VCAN: variants seen among roughly 807,000 people sequenced by gnomAD.
VCAN encodes versican, also known as versican core protein.
Under a neutral mutation model 245.5 loss-of-function variants are expected in VCAN, and 44 were observed. That is an observed-to-expected ratio of 0.18 (90% CI 0.14 to 0.23). The LOEUF (loss-of-function observed/expected upper bound fraction) is 0.23, where lower values mean the gene tolerates loss of function less well. Among genes scored for constraint, VCAN ranks in the 10% least tolerant of loss-of-function variants. The pLI, the probability that VCAN is intolerant of heterozygous loss-of-function variation, is 1.00. For synonymous variants in VCAN, 1,413 were observed against 1,437.0 expected (o/e 0.98, Z 0.38); for missense variants, 3,793 against 4,057.9 (o/e 0.93, Z 1.77).
chr5:83,528,989 T>TACACACACACACAC (rs58804437), intron 7 of VCAN, among the ~76,000 whole-genome samples: 15,176 of 141,186 alleles, frequency 0.11, 948 homozygotes, highest in Non-Finnish European at 0.14. Context: ...GAAACAAAGA[T>TACACACACACACAC]ACACACACAC....
chr5:83,539,385 T>C lies in VCAN; in HGVS notation c.6382T>C (p.Ser2128Pro), dbSNP rs1402093533. The change falls in exon 8 of 15, where the codon TCC becomes CCC. Residue 2128 changes from serine to proline, a missense_variant. Ser to Pro is a moderately conservative substitution (Grantham distance 74). This residue lies in a region of VCAN where 3,182 missense variants were observed against 3,250.3 expected (regional missense o/e 0.98). Transcript: ENST00000265077. The stretch of plus-strand genomic sequence containing the variant: ...AATTCAAGAAGAAAAGTCATTTGAA[T>C]CCCCTCAAAACTCTCCTGCAACAGA... ...EQIQEEKSFE[S>P]PQNSPATEQT... The C allele has an allele frequency of 1.2e-6, 2 of 1,613,896 alleles. No individual in the cohort carries two copies. Among genetic ancestry groups the C allele is most frequent in the Admixed American group, 3.3e-5 (2 of 59,954 alleles).
intron 13 of VCAN, among the ~76,000 whole-genome samples, chr5:83,576,007 C>A (rs1159641317): frequency 2.0e-5 from 3 of 152,128 alleles, no homozygotes; most frequent in African/African-American, 7.2e-5. Flanking sequence ...ATACCCTTTT[C>A]TCTTTTTAGA....
At chr5:83,552,372 C>A (rs1747502250) in intron 10 of VCAN, among the ~76,000 whole-genome samples, 1 of 152,160 alleles carries the variant, frequency 6.6e-6, no homozygotes, top group African/African-American at 2.4e-5. Flanking sequence ...ATTCTATAAA[C>A]TGCAGTTTTG....
intron 2 of VCAN, 96 bp downstream of exon 2, chr5:83,483,684 G>T: frequency 3.4e-6 from 4 of 1,185,494 alleles, no homozygotes; most frequent in Non-Finnish European, 1.2e-6. Flanking sequence ...ATAAAAGATT[G>T]ATTTTTAAAA....
chr5:83,487,186 A>C (rs1053949140), intron 2 of VCAN, among the ~76,000 whole-genome samples: 1 of 152,182 alleles, frequency 6.6e-6, no homozygotes, highest in African/African-American at 2.4e-5. Flanking sequence ...CTAGATAGTG[A>C]TATTTGTCAC....
At chr5:83,529,815 C>A (rs1746448714) in intron 7 of VCAN, among the ~76,000 whole-genome samples, 1 of 152,096 alleles carries the variant, frequency 6.6e-6, no homozygotes, top group South Asian at 2.1e-4. Context: ...TAGAAAGCAC[C>A]AAGCACAATG....
At position 83,538,475 on chromosome 5, in the gene VCAN, C is replaced by T. The variant is rs746447735; in HGVS notation, c.5472C>T (p.Leu1824=). Residue 1824 remains leucine (L), a synonymous_variant, in exon 8 of 15, where the codon CTC becomes CTT. Coordinates refer to ENST00000265077, the MANE Select transcript of VCAN (RefSeq NM_004385.5). ...GGGTTCAGGAAGGGCTGACCACTCT[C>T]CCACGTAGTCCTGCCTCTGTCTTTA... ...QPGVQEGLTT[L]PRSPASVFME... 1.2e-6 allele frequency: 2 copies of T among 1,613,886 alleles called. No homozygotes were observed. Among genetic ancestry groups the T allele is most frequent in the African/African-American group, 1.3e-5 (1 of 74,882 alleles).
chr5:83,493,623 G>A lies in VCAN; in HGVS notation c.523G>A (p.Val175Ile), dbSNP rs774254263. 36 of 1,613,980 alleles carry A rather than the reference G, an allele frequency of 2.2e-5. No homozygotes were observed. The highest frequency in any genetic ancestry group is 3.3e-4 in the Middle Eastern group (2 of 6,054). ...GGCTGCTCAGAAGGCTTGTTTGGAC[G>A]TTGGGGCAGTCATAGCAACTCCAGA... is the stretch of plus-strand genomic sequence containing the variant. Reference protein sequence around the residue: ...FEAAQKACLDVGAVIATPEQL... With the variant: ...FEAAQKACLDIGAVIATPEQL... The change falls in exon 4 of 15, where the codon GTT becomes ATT. Residue 175 changes from valine to isoleucine, a missense_variant. Physicochemically the swap from Val to Ile is conservative, Grantham distance 29. Coordinates refer to ENST00000265077, the MANE Select transcript of VCAN (RefSeq NM_004385.5).
chr5:83,579,418 C>G (rs1398408356), intron 13 of VCAN, among the ~76,000 whole-genome samples: 1 of 152,084 alleles, frequency 6.6e-6, no homozygotes, highest in Non-Finnish European at 1.5e-5. Flanking sequence ...TGCCCACCAC[C>G]ATGCCTGGCT....
chr5:83,521,406 G>C lies in VCAN; in HGVS notation c.3100G>C (p.Glu1034Gln), dbSNP rs771864905. 6.2e-7 allele frequency: 1 copy of C among 1,614,108 alleles called. No homozygotes were observed. Among genetic ancestry groups the C allele is most frequent in the African/African-American group, 1.3e-5 (1 of 75,050 alleles). ...AATCACAGAGGGAACAACTCAGGAA[G>C]AATTCCCTTGGAAAGAACAGACTGC... ...TKITEGTTQE[E>Q]FPWKEQTAEK... Residue 1034 changes from glutamate to glutamine, a missense_variant, in exon 7 of 15, where the codon GAA becomes CAA. Physicochemically the swap from Glu to Gln is conservative, Grantham distance 29 (BLOSUM62 2). Transcript: ENST00000265077.
chr5:83,581,025 T>A lies in VCAN; in HGVS notation c.*591T>A, dbSNP rs1056387077. ...GCACCTATCTCAGCCATAGGTGCAG[T>A]TTGCTTCTACATGATGCTAAAGGCT... On this transcript the variant is annotated 3_prime_UTR_variant, in exon 15 of 15. Transcript: ENST00000265077. 3 of 167,274 alleles carry A rather than the reference T, an allele frequency of 1.8e-5. No individual in the cohort carries two copies. The highest frequency in any genetic ancestry group is 3.9e-5 in the Non-Finnish European group (3 of 76,224). The allele number at this position is 167,274 out of a possible 1,614,324, so 10.4% of individuals were successfully genotyped here. A position where few individuals can be genotyped will look rare whatever the true frequency, so the allele number is the denominator to read the frequency against.
intron 2 of VCAN, among the ~76,000 whole-genome samples, chr5:83,484,384 C>A (rs1017382188): frequency 1.3e-4 from 20 of 151,978 alleles, no homozygotes; most frequent in African/African-American, 4.8e-4. Flanking sequence ...CAAAATCTTT[C>A]CATCTGTTTG....
intron 7 of VCAN, 144 bp from the exon 8 acceptor site, chr5:83,536,863 A>G (rs1353088688): frequency 1.5e-6 from 1 of 647,218 alleles, no homozygotes. Context: ...ACTGAGAACC[A>G]TATAAGAGGG....
At chr5:83,500,815 AC>A (rs369551153) in intron 5 of VCAN, among the ~76,000 whole-genome samples, 6 of 152,216 alleles carry the variant, frequency 3.9e-5, no homozygotes, top group Non-Finnish European at 5.9e-5. Context: ...TGATTGCATT[AC>A]AGATTGGATT....
At chr5:83,501,854 A>G (rs568753863) in intron 5 of VCAN, among the ~76,000 whole-genome samples, 2 of 152,312 alleles carry the variant, frequency 1.3e-5, no homozygotes, top group East Asian at 1.9e-4. Flanking sequence ...TATAGATTGC[A>G]ATGAATCTCT....
chr5:83,535,197 T>C (rs1746659691), intron 7 of VCAN, among the ~76,000 whole-genome samples: 1 of 152,136 alleles, frequency 6.6e-6, no homozygotes, highest in Non-Finnish European at 1.5e-5. Flanking sequence ...TCTCATTTAT[T>C]TGAATACCCA....
rs568676192 is a variant in VCAN at position 83,581,593 on chromosome 5, C to T, written c.*1159C>T. The T allele has an allele frequency of 1.8e-4, 28 of 152,178 alleles. No homozygotes were observed. Among genetic ancestry groups the T allele is most frequent in the African/African-American group, 2.4e-4 (10 of 41,534 alleles). The allele number at this position is 152,178 out of a possible 1,614,324, so 9.4% of individuals were successfully genotyped here. ...CTTTGTCCCTGATTAAATAATGTGACGGATAGAATGCATCAAGTGTTTATT... is the reference window on the plus strand; with the variant it reads ...CTTTGTCCCTGATTAAATAATGTGATGGATAGAATGCATCAAGTGTTTATT... On this transcript the variant is annotated 3_prime_UTR_variant, in exon 15 of 15. Coordinates refer to ENST00000265077, the MANE Select transcript of VCAN (RefSeq NM_004385.5).
At chr5:83,573,423 T>C (rs1748365484) in intron 13 of VCAN, among the ~76,000 whole-genome samples, 1 of 152,114 alleles carries the variant, frequency 6.6e-6, no homozygotes, top group African/African-American at 2.4e-5. Context: ...GCAGTCCTCA[T>C]TGAGTCCTTC....
intron 12 of VCAN, among the ~76,000 whole-genome samples, chr5:83,566,349 T>G (rs1037609968): frequency 6.6e-6 from 1 of 152,216 alleles, no homozygotes; most frequent in Non-Finnish European, 1.5e-5. Flanking sequence ...TACATTTTTA[T>G]CATCAGTTTG....
Sources: allele counts gnomAD v4.1 joint callset (sites outside exome capture counted in the v4.1 genomes callset), GRCh38; gene constraint gnomAD v4.1.1; regional missense constraint gnomAD v4.1.1; transcripts MANE v1.5; gene names NCBI Gene and HGNC (gene_info 2026-07-23, HGNC 2026-07-21).